RCN2: variants seen among roughly 807,000 people sequenced by gnomAD.
RCN2 encodes the protein reticulocalbin 2.
RCN2 carries 23 observed loss-of-function variants against 37.5 expected under a neutral mutation model. That is an observed-to-expected ratio of 0.61 (90% confidence interval 0.44 to 0.87). The LOEUF is 0.87. RCN2 is among the 40% of genes least tolerant of loss of function. The pLI is 0.00. For missense variants in RCN2, 381 were observed against 390.4 expected (o/e 0.98, Z 0.20); for synonymous variants, 140 against 144.6 (o/e 0.97, Z 0.23).
intron 3 of RCN2, among the ~76,000 whole-genome samples, chr15:76,940,751 T>G (rs1185657785): frequency 1.3e-5 from 2 of 151,816 alleles, no homozygotes; most frequent in African/African-American, 2.4e-5. Flanking sequence ...TAGTAGAGAC[T>G]GAGTTTCACC....
chr15:76,945,296 G>A (rs2152651435), intron 4 of RCN2, among the ~76,000 whole-genome samples: 1 of 152,174 alleles, frequency 6.6e-6, no homozygotes, highest in African/African-American at 2.4e-5. Context: ...GTTTTTCAAT[G>A]TTAGTAATAT....
chr15:76,938,604 C>A (rs2075262993), intron 3 of RCN2: 1 of 409,122 alleles, frequency 2.4e-6, no homozygotes, highest in African/African-American at 2.0e-5. Flanking sequence ...TTAAACAACA[C>A]CCCATTCCCT....
At chr15:76,943,482 T>G (rs541675469) in intron 3 of RCN2, 1 of 270,184 alleles carries the variant, frequency 3.7e-6, no homozygotes, top group Admixed American at 4.9e-5. Flanking sequence ...TTATCCCAGT[T>G]TGATAGATGA....
chr15:76,931,958 C>G lies in RCN2; in HGVS notation c.117C>G (p.Tyr39Ter). The G allele has an allele frequency of 7.8e-7, 1 of 1,277,098 alleles. No individual in the cohort carries two copies. The allele number at this position is 1,277,098 out of a possible 1,614,324, so 79.1% of individuals were successfully genotyped here. A position where few individuals can be genotyped will look rare whatever the true frequency, so the allele number is the denominator to read the frequency against. Reference protein sequence around the residue: ...HYPLGERRSDYDREALLGVQE... With the variant: ...HYPLGERRSD ...CGCTGGGCGAGCGCCGCAGCGACTA[C>G]GACCGCGAGGCGCTGCTGGGCGTCC... Residue 39 changes from tyrosine to a stop codon, truncating the protein, a stop_gained, in exon 1 of 7, where the codon TAC becomes TAG. Transcript: ENST00000394885. LOFTEE classifies it high-confidence loss of function.
At chr15:76,942,227 A>T (rs1358215251) in intron 3 of RCN2, 2 of 152,222 alleles carry the variant, frequency 1.3e-5, no homozygotes, top group Non-Finnish European at 2.9e-5. Flanking sequence ...AATGACTGCT[A>T]CCTGACCTCT....
Position 76,932,399 on chromosome 15 carries a change from GC to G in RCN2, c.184del (p.Gln62SerfsTer9), listed in dbSNP as rs760643300. On this transcript the variant is annotated frameshift_variant, in exon 2 of 7. Transcript: ENST00000394885. LOFTEE classifies it high-confidence loss of function. ...AATATGTTAAACTCGGCCACGAAGA[GC>G]AGCAAAAAAGACTGCAGGCGATCAT... ...DEYVKLGHEEQQKRLQAIIKK... is the reference protein window; with the variant it reads ...DEYVKLGHEEXQKRLQAIIKK... The G allele has an allele frequency of 8.1e-6, 13 of 1,613,850 alleles. No homozygotes were observed. The highest frequency in any genetic ancestry group is 1.1e-5 in the Non-Finnish European group (13 of 1,179,926).
chr15:76,952,483 G>T lies in RCN2; in HGVS notation c.*3261G>T, dbSNP rs1347053032. The T allele has an allele frequency of 6.6e-6, 1 of 152,106 alleles. No individual in the cohort carries two copies. The highest frequency in any genetic ancestry group is 1.5e-5 in the Non-Finnish European group (1 of 68,020). 9.4% of individuals were successfully genotyped at this position (152,106 alleles called of 1,614,324 possible). ...CAGTTTTTAATTGTACAGTTCGGTG[G>T]TATGGTATTAAATACAGTCAAAATG... On this transcript the variant is annotated 3_prime_UTR_variant, in exon 7 of 7. Transcript: ENST00000394885.
At chr15:76,932,508 A>G in intron 2 of RCN2, 42 bp downstream of exon 2, 1 of 1,342,776 alleles carries the variant, frequency 7.4e-7, no homozygotes, top group African/African-American at 1.4e-5. Flanking sequence ...GACAAACACA[A>G]ATATGTTAAG....
At chr15:76,932,546 G>C in intron 2 of RCN2, 80 bp downstream of exon 2, 2 of 948,224 alleles carry the variant, frequency 2.1e-6, no homozygotes, top group Non-Finnish European at 3.3e-6. Context: ...TGTATAGATT[G>C]CTAGTGTCCC....
intron 3 of RCN2, among the ~76,000 whole-genome samples, chr15:76,941,029 G>A (rs1181018676): frequency 6.6e-6 from 1 of 151,650 alleles, no homozygotes; most frequent in African/African-American, 2.4e-5. Flanking sequence ...AGTGTTCTTT[G>A]TTTTTGTTTT....
intron 4 of RCN2, among the ~76,000 whole-genome samples, chr15:76,945,240 C>T (rs1257516051): frequency 6.6e-6 from 1 of 152,160 alleles, no homozygotes; most frequent in Non-Finnish European, 1.5e-5. Flanking sequence ...AACTGTGTTA[C>T]CTTCAGTGCC....
At chr15:76,944,695 A>T (rs1399650246) in intron 4 of RCN2, among the ~76,000 whole-genome samples, 3 of 152,114 alleles carry the variant, frequency 2.0e-5, no homozygotes, top group Admixed American at 1.3e-4. Flanking sequence ...GTGGATCAAC[A>T]TGTTGTTGCA....
chr15:76,931,873 G>GGCT lies in RCN2; in HGVS notation c.43_45dup (p.Leu15dup). 1.5e-6 allele frequency: 2 copies of GGCT among 1,309,494 alleles called. No homozygotes were observed. Among genetic ancestry groups the GGCT allele is most frequent in the Non-Finnish European group, 1.9e-6 (2 of 1,028,914 alleles). 81.1% of individuals were successfully genotyped at this position (1,309,494 alleles called of 1,614,324 possible). ...CTGGGCCCGAGGACCGCGGCGTTGG[G>GGCT]GCTGCTGCTGCTGTGCGCCGCCGCG... On this transcript the variant is annotated inframe_insertion, in exon 1 of 7. Coordinates refer to ENST00000394885, the MANE Select transcript of RCN2 (RefSeq NM_002902.3).
At position 76,953,904 on chromosome 15, in the gene RCN2, A is replaced by G. The variant is rs1298069033; in HGVS notation, c.*4682A>G. Reference sequence around the variant, plus strand: ...TTACAGGCGTGAGCCACCGCGCCCGACTAGTAATTCTATTTTTAATATTTT... The same window carrying G: ...TTACAGGCGTGAGCCACCGCGCCCGGCTAGTAATTCTATTTTTAATATTTT... On this transcript the variant is annotated 3_prime_UTR_variant, in exon 7 of 7. Transcript: ENST00000394885. The G allele has an allele frequency of 3.3e-5, 5 of 151,606 alleles. No individual in the cohort carries two copies. Among genetic ancestry groups the G allele is most frequent in the African/African-American group, 9.7e-5 (4 of 41,258 alleles). 9.4% of individuals were successfully genotyped at this position (151,606 alleles called of 1,614,324 possible).
At chr15:76,942,744 C>T (rs985576009) in intron 3 of RCN2, 1 of 152,160 alleles carries the variant, frequency 6.6e-6, no homozygotes, top group African/African-American at 2.4e-5. Flanking sequence ...GAGTTTGAGA[C>T]CAGCCTGGGC....
rs1237477491 is a variant in RCN2, at chr15:76,932,394, G to A, written c.178G>A (p.Glu60Lys). The A allele has an allele frequency of 1.9e-6, 3 of 1,613,866 alleles. No homozygotes were observed. ...DVDEYVKLGHEEQQKRLQAII... is the reference protein window; with the variant it reads ...DVDEYVKLGHKEQQKRLQAII... The stretch of plus-strand genomic sequence containing the variant: ...GGATGAATATGTTAAACTCGGCCAC[G>A]AAGAGCAGCAAAAAAGACTGCAGGC... The change falls in exon 2 of 7, where the codon GAA (glutamate) becomes AAA (lysine). Residue 60 changes from glutamate to lysine, a missense_variant. By Grantham distance (56) the Glu-to-Lys change is moderately conservative. Coordinates refer to ENST00000394885, the MANE Select transcript of RCN2 (RefSeq NM_002902.3).
rs1228304056 is a variant in RCN2, at chr15:76,953,558, T to C, written c.*4336T>C. On this transcript the variant is annotated 3_prime_UTR_variant, in exon 7 of 7. Transcript: ENST00000394885. ...ATTGCTGGATCATATAGTAATTCTA[T>C]ATATATATATATATATATATATATA... 1 of 10,744 alleles carries C rather than the reference T, an allele frequency of 9.3e-5. No homozygotes were observed. The highest frequency in any genetic ancestry group is 4.9e-4 in the African/African-American group (1 of 2,026). 0.7% of individuals were successfully genotyped at this position (10,744 alleles called of 1,614,324 possible).
intron 5 of RCN2, 180 bp downstream of exon 5, chr15:76,947,697 G>A (rs970779472): frequency 4.0e-6 from 2 of 501,132 alleles, no homozygotes; most frequent in Non-Finnish European, 3.5e-6. Flanking sequence ...ATCTGAGAAC[G>A]CTGTCTTGCT....
Position 76,949,323 on chromosome 15 carries a change from C to A in RCN2, c.*101C>A. 1 of 797,796 alleles carries A rather than the reference C, an allele frequency of 1.3e-6. No homozygotes were observed. Among genetic ancestry groups the A allele is most frequent in the Non-Finnish European group, 1.8e-6 (1 of 558,216 alleles). The allele number at this position is 797,796 out of a possible 1,614,324, so 49.4% of individuals were successfully genotyped here. ...GATGTTGTATTTTACACTCTTAAGTCTTAACCACAGTCAGAATTATCTTAA... is the reference window on the plus strand; with the variant it reads ...GATGTTGTATTTTACACTCTTAAGTATTAACCACAGTCAGAATTATCTTAA... On this transcript the variant is annotated 3_prime_UTR_variant, in exon 7 of 7. Coordinates refer to ENST00000394885, the MANE Select transcript of RCN2 (RefSeq NM_002902.3).
Sources: gnomAD v4.1 joint callset for allele counts (sites outside exome capture counted in the v4.1 genomes callset) on GRCh38, gnomAD v4.1.1 for gene constraint, MANE v1.5 for transcripts, NCBI Gene and HGNC (gene_info 2026-07-23, HGNC 2026-07-21) for gene names.